The following MILR1 variants were observed in gnomAD, a reference collection of about 807,000 sequenced individuals.
MILR1 encodes the protein allergin-1.
Under a neutral mutation model 18.5 loss-of-function variants are expected in MILR1, and 31 were observed. That is an observed-to-expected ratio of 1.68 (90% CI 1.26 to 2.26). MILR1 has a LOEUF of 2.26. Among genes scored for constraint, MILR1 ranks in the 30% most tolerant of loss-of-function variants. The probability of loss-of-function intolerance (pLI) is 0.00; values close to 1 mark genes in which losing one functional copy is unlikely to be tolerated. For synonymous variants in MILR1, 85 were observed against 56.2 expected (o/e 1.51, Z -2.30); for missense variants, 257 against 157.4 (o/e 1.63, Z -3.38).
At chr17:64,479,184 T>TG in the MILR1 span, among the ~76,000 whole-genome samples, 1 of 116,944 alleles carries the variant, frequency 8.6e-6, no homozygotes, top group African/African-American at 4.0e-5. Flanking sequence ...CTGAAAGGTG[T>TG]TTTTTTTTTT....
chr17:64,488,259 A>T, the MILR1 span, among the ~76,000 whole-genome samples: 2 of 152,194 alleles, frequency 1.3e-5, no homozygotes, highest in Non-Finnish European at 2.9e-5. Flanking sequence ...AAGCATACTA[A>T]ATGACAGAAA....
the MILR1 span, among the ~76,000 whole-genome samples, chr17:64,474,034 G>A: frequency 6.6e-6 from 1 of 152,100 alleles, no homozygotes; most frequent in South Asian, 2.1e-4. Flanking sequence ...AATTTGAGTG[G>A]AAAATATTGG....
downstream of MILR1, among the ~76,000 whole-genome samples, chr17:64,470,050 GA>G (rs1297130155): frequency 1.3e-5 from 2 of 152,154 alleles, no homozygotes; most frequent in Non-Finnish European, 2.9e-5. Context: ...AAAAGTTCTG[GA>G]AAAAAGATGG....
At chr17:64,453,445 C>T (rs1176280997) in intron 3 of MILR1, among the ~76,000 whole-genome samples, 1 of 151,086 alleles carries the variant, frequency 6.6e-6, no homozygotes, top group African/African-American at 2.4e-5. Flanking sequence ...AGTCTTATAT[C>T]TTTAGGCAAA....
intron 9 of MILR1, chr17:64,468,026 G>A (rs1555663822): frequency 3.0e-6 from 1 of 338,448 alleles, no homozygotes; most frequent in Non-Finnish European, 5.7e-6. Context: ...CCAAAGGTGT[G>A]CCTTGATGTG....
At chr17:64,489,072 C>A in the MILR1 span, among the ~76,000 whole-genome samples, 1 of 144,750 alleles carries the variant, frequency 6.9e-6, no homozygotes, top group Non-Finnish European at 1.5e-5. Flanking sequence ...GTTGCACAGG[C>A]TGGAGTGCAG....
the MILR1 span, chr17:64,477,798 A>G: frequency 6.5e-7 from 1 of 1,540,954 alleles, no homozygotes; most frequent in Admixed American, 1.9e-5. Flanking sequence ...GGAGAGAAGA[A>G]TATTTATTAT....
intron 2 of MILR1, among the ~76,000 whole-genome samples, chr17:64,452,071 G>T (rs2037184260): frequency 6.8e-6 from 1 of 147,878 alleles, no homozygotes; most frequent in African/African-American, 2.5e-5. Context: ...CCATCCATTG[G>T]TCCCAGCTAT....
chr17:64,491,569 A>G, the MILR1 span: 1 of 1,552,822 alleles, frequency 6.4e-7, no homozygotes, highest in Non-Finnish European at 8.9e-7. Context: ...CTGGAGGTCA[A>G]ACTAGGGGAG....
chr17:64,464,179 G>T (rs1382874268), intron 5 of MILR1, among the ~76,000 whole-genome samples: 3 of 142,708 alleles, frequency 2.1e-5, no homozygotes, highest in African/African-American at 7.9e-5. Context: ...GCTGGAGTGC[G>T]GTGGTGCAAT....
chr17:64,482,508 T>C, the MILR1 span, among the ~76,000 whole-genome samples: 1 of 152,046 alleles, frequency 6.6e-6, no homozygotes, highest in East Asian at 1.9e-4. Context: ...TTTTAGTAGA[T>C]GGGGTTTCAC....
chr17:64,456,712 G>C (rs1365613172), intron 3 of MILR1, among the ~76,000 whole-genome samples: 1 of 152,138 alleles, frequency 6.6e-6, no homozygotes. Flanking sequence ...TGAGGCAGGA[G>C]GATCACTTGA....
chr17:64,464,412 A>G (rs1037646765), intron 5 of MILR1, among the ~76,000 whole-genome samples: 4 of 151,450 alleles, frequency 2.6e-5, no homozygotes, highest in Non-Finnish European at 5.9e-5. Flanking sequence ...TTTAATTACA[A>G]AATTCTTTTT....
chr17:64,450,623 G>T (rs978540282), intron 2 of MILR1, among the ~76,000 whole-genome samples: 2 of 152,050 alleles, frequency 1.3e-5, no homozygotes, highest in Admixed American at 6.6e-5. Context: ...GGGATTACAG[G>T]CACGTGCCAC....
At chr17:64,490,223 G>A in the MILR1 span, among the ~76,000 whole-genome samples, 8 of 152,220 alleles carry the variant, frequency 5.3e-5, no homozygotes, top group African/African-American at 1.7e-4. Context: ...GCGCCTGGCC[G>A]TTAATTAATA....
At chr17:64,494,542 T>C in the MILR1 span, among the ~76,000 whole-genome samples, 1 of 152,212 alleles carries the variant, frequency 6.6e-6, no homozygotes, top group Non-Finnish European at 1.5e-5. Context: ...ATTTATTCCA[T>C]AGCTTCTGTA....
chr17:64,467,527 C>T, intron 8 of MILR1, 38 bp from the exon 9 acceptor site: 1 of 1,286,706 alleles, frequency 7.8e-7, no homozygotes, highest in Non-Finnish European at 1.1e-6. Flanking sequence ...TTGCTGGTCA[C>T]ATATCCTAAG....
At chr17:64,490,768 A>G in the MILR1 span, 2 of 1,581,540 alleles carry the variant, frequency 1.3e-6, no homozygotes, top group Middle Eastern at 1.7e-4. Context: ...TGGGTAAAAA[A>G]TACATAGGAG....
intron 9 of MILR1, 121 bp from the exon 10 acceptor site, chr17:64,468,189 C>A: frequency 2.2e-6 from 1 of 454,538 alleles, no homozygotes; most frequent in South Asian, 1.6e-5. Context: ...GGAGGACCCT[C>A]CTTGCCTCTT....
Sources: allele counts gnomAD v4.1 joint callset (sites outside exome capture counted in the v4.1 genomes callset), GRCh38; gene constraint gnomAD v4.1.1; transcripts MANE v1.5; gene names NCBI Gene and HGNC (gene_info 2026-07-23, HGNC 2026-07-21).